DENND1A: variants seen among roughly 807,000 people sequenced by gnomAD.
The protein encoded by DENND1A is DENN domain-containing protein 1A.
DENND1A carries 51 observed loss-of-function variants against 113.7 expected under a neutral mutation model. That is an observed-to-expected ratio of 0.45 (90% CI 0.36 to 0.57). The LOEUF (loss-of-function observed/expected upper bound fraction) is 0.57. Among genes scored for constraint, DENND1A ranks in the 20% least tolerant of loss-of-function variants. The probability of loss-of-function intolerance (pLI) is 0.00; values close to 1 mark genes in which losing one functional copy is unlikely to be tolerated. For synonymous variants in DENND1A, 565 were observed against 570.8 expected, an observed-to-expected ratio of 0.99 and a Z score of 0.14; for missense variants, 1,258 against 1,395.9, an observed-to-expected ratio of 0.90 and a Z score of 1.57.
chr9:123,580,340 C>T (rs2058829384), intron 12 of DENND1A, among the ~76,000 whole-genome samples: 2 of 152,230 alleles, frequency 1.3e-5, no homozygotes, highest in African/African-American at 4.8e-5. Context: ...GTTACTCTCT[C>T]TCCTGGGCCC....
chr9:123,843,443 T>C (rs1842123930), intron 2 of DENND1A: 1 of 300,348 alleles, frequency 3.3e-6, no homozygotes, highest in Non-Finnish European at 6.7e-6. Flanking sequence ...AAGCATAGCT[T>C]AGAGTTTTCA....
At chr9:123,414,727 T>G in intron 19 of DENND1A, 1 of 1,162,938 alleles carries the variant, frequency 8.6e-7, no homozygotes, top group Non-Finnish European at 1.2e-6. Flanking sequence ...ATACCACCCA[T>G]GAATATCCCC....
At chr9:123,686,630 G>C (rs2064827925) in intron 5 of DENND1A, among the ~76,000 whole-genome samples, 1 of 152,136 alleles carries the variant, frequency 6.6e-6, no homozygotes, top group African/African-American at 2.4e-5. Context: ...AATATAAATA[G>C]CTCAATTTAA....
intron 2 of DENND1A, among the ~76,000 whole-genome samples, chr9:123,872,450 GGA>G (rs371153145): frequency 9.9e-5 from 15 of 152,200 alleles, no homozygotes; most frequent in African/African-American, 3.6e-4. Context: ...ATGAATAATT[GGA>G]GAGAGTGAGG....
intron 8 of DENND1A, among the ~76,000 whole-genome samples, chr9:123,654,244 A>C (rs2062818735): frequency 6.6e-6 from 1 of 152,178 alleles, no homozygotes; most frequent in South Asian, 2.1e-4. Context: ...AAAAAGCTTA[A>C]CTGCTGATGA....
intron 9 of DENND1A, 91 bp from the exon 10 acceptor site, chr9:123,630,567 A>C: frequency 1.2e-6 from 1 of 814,124 alleles, no homozygotes; most frequent in Non-Finnish European, 1.8e-6. Flanking sequence ...TAATTCTTCA[A>C]TATGTTTACA....
chr9:123,457,553 G>T, intron 14 of DENND1A, 118 bp from the exon 15 acceptor site: 2 of 875,870 alleles, frequency 2.3e-6, no homozygotes, highest in African/African-American at 1.7e-5. Context: ...GGTTCAACAG[G>T]CAAGTTTCTT....
intron 22 of DENND1A, 68 bp from the exon 23 acceptor site, chr9:123,383,981 C>A: frequency 6.4e-7 from 1 of 1,557,418 alleles, no homozygotes; most frequent in Non-Finnish European, 8.7e-7. Context: ...CGGACTCCAG[C>A]CCAAGCACAT....
intron 10 of DENND1A, among the ~76,000 whole-genome samples, chr9:123,629,230 A>G (rs901940130): frequency 6.6e-6 from 1 of 152,232 alleles, no homozygotes; most frequent in Non-Finnish European, 1.5e-5. Flanking sequence ...CTTAAGCAAC[A>G]GGGCTATGAC....
At chr9:123,387,463 C>T (rs1170659212) in intron 22 of DENND1A, among the ~76,000 whole-genome samples, 1 of 152,194 alleles carries the variant, frequency 6.6e-6, no homozygotes, top group African/African-American at 2.4e-5. Context: ...AAGCACATTT[C>T]ATCTCTAAGG....
At chr9:123,545,325 T>C (rs2056589654) in intron 13 of DENND1A, among the ~76,000 whole-genome samples, 1 of 152,072 alleles carries the variant, frequency 6.6e-6, no homozygotes, top group Non-Finnish European at 1.5e-5. Context: ...TGAAGATATA[T>C]ATCCAAGAAC....
intron 11 of DENND1A, 135 bp from the exon 12 acceptor site, chr9:123,583,405 T>C (rs373196254): frequency 8.6e-6 from 5 of 584,104 alleles, no homozygotes; most frequent in African/African-American, 3.7e-5. Flanking sequence ...GCAGGCCCAA[T>C]GGTAGGAGGT....
chr9:123,719,564 G>T (rs945576815), intron 5 of DENND1A, among the ~76,000 whole-genome samples: 2 of 152,156 alleles, frequency 1.3e-5, no homozygotes, highest in African/African-American at 2.4e-5. Context: ...TGAATACCAG[G>T]CTCAGTTAAA....
At chr9:123,739,226 C>T (rs999768455) in intron 5 of DENND1A, among the ~76,000 whole-genome samples, 19 of 152,038 alleles carry the variant, frequency 1.2e-4, no homozygotes, top group African/African-American at 4.1e-4. Context: ...CAAATAATTA[C>T]CTTATAGACA....
intron 11 of DENND1A, among the ~76,000 whole-genome samples, chr9:123,590,376 C>G (rs2059399895): frequency 6.6e-6 from 1 of 152,130 alleles, no homozygotes; most frequent in South Asian, 2.1e-4. Context: ...GGCAGCAGAG[C>G]CCAGAGGTGA....
At chr9:123,831,231 T>C (rs997949163) in intron 2 of DENND1A, among the ~76,000 whole-genome samples, 1 of 151,994 alleles carries the variant, frequency 6.6e-6, no homozygotes, top group Non-Finnish European at 1.5e-5. Context: ...GAAATAAATA[T>C]AATGAAAATA....
chr9:123,420,331 A>G (rs1564455022), intron 19 of DENND1A, among the ~76,000 whole-genome samples: 1 of 152,186 alleles, frequency 6.6e-6, no homozygotes, highest in Non-Finnish European at 1.5e-5. Flanking sequence ...GGACGCAGAG[A>G]GGTCGGGCTG....
chr9:123,381,248 G>A lies in DENND1A; in HGVS notation c.*184C>T. The stretch of plus-strand genomic sequence containing the variant: ...GGTTGATTCCCAGGCTGGAACTGGT[G>A]CCATTCCCCAGGGCCAGACATCAGA... On this transcript the variant is annotated 3_prime_UTR_variant, in exon 24 of 24. Coordinates refer to ENST00000394215, the MANE Select transcript of DENND1A (RefSeq NM_001352964.2). This position sits in a 1 kb window ranked among gnomAD's most constrained non-coding sequence, Gnocchi z 4.7. 1.6e-6 allele frequency: 1 copy of A among 642,958 alleles called. No individual in the cohort carries two copies. The highest frequency in any genetic ancestry group is 2.7e-6 in the Non-Finnish European group (1 of 376,254). 39.8% of individuals were successfully genotyped at this position (642,958 alleles called of 1,614,324 possible).
intron 6 of DENND1A, among the ~76,000 whole-genome samples, chr9:123,675,325 G>A (rs1044617021): frequency 6.6e-6 from 1 of 152,108 alleles, no homozygotes; most frequent in Non-Finnish European, 1.5e-5. Context: ...GAATTAAAGG[G>A]GTTTGGGGCA....
Sources: allele counts gnomAD v4.1 joint callset (sites outside exome capture counted in the v4.1 genomes callset), GRCh38; gene constraint gnomAD v4.1.1; non-coding constraint Gnocchi (gnomAD v3.1); transcripts MANE v1.5; gene names NCBI Gene and HGNC (gene_info 2026-07-23, HGNC 2026-07-21).